The following TBCK variants were observed in gnomAD, a reference collection of about 807,000 sequenced individuals.
TBCK encodes the protein TBC domain-containing protein kinase-like protein.
In TBCK, 99 loss-of-function variants were observed where a neutral mutation model predicts 113.4. The ratio of observed to expected loss-of-function variants is 0.87; its 90% CI spans 0.74 to 1.03. TBCK has a LOEUF of 1.03. Among genes scored for constraint, TBCK ranks in the 50% least tolerant of loss-of-function variants. The pLI is 0.00. For missense variants in TBCK, 1,045 were observed against 1,061.3 expected (o/e 0.98, Z 0.21); for synonymous variants, 369 against 370.8 (o/e 1.00, Z 0.05).
rs150221832 is a variant in TBCK at position 106,212,806 on chromosome 4, C to G, written c.1804G>C (p.Ala602Pro). ...EYLTVFSQMI[A>P]FHDPELSNHL... The stretch of plus-strand genomic sequence containing the variant: ...TTACTCAGCTCTGGATCATGAAATG[C>G]AATCATCTGAGAGAAGACAGTCAGA... Residue 602 changes from alanine to proline, a missense_variant, in exon 20 of 26, where the codon GCA becomes CCA. Ala to Pro is a conservative substitution (Grantham distance 27). Coordinates refer to ENST00000394708, the MANE Select transcript of TBCK (RefSeq NM_001163435.3). The G allele has an allele frequency of 1.2e-6, 2 of 1,612,130 alleles. No homozygotes were observed. Among genetic ancestry groups the G allele is most frequent in the Non-Finnish European group, 1.7e-6 (2 of 1,179,032 alleles).
chr4:106,152,624 C>T (rs1748628856), intron 23 of TBCK, among the ~76,000 whole-genome samples: 1 of 151,982 alleles, frequency 6.6e-6, no homozygotes, highest in Non-Finnish European at 1.5e-5. Context: ...ATCTTCCCTC[C>T]ACTATTTTTC....
chr4:106,155,937 T>C (rs552781877), intron 23 of TBCK, among the ~76,000 whole-genome samples: 4 of 152,118 alleles, frequency 2.6e-5, no homozygotes, highest in Non-Finnish European at 4.4e-5. Context: ...ATGATCTTAA[T>C]GTGTGTGGAT....
At position 106,041,929 on chromosome 4, in the gene TBCK, A is replaced by C. The variant is rs1282863875; in HGVS notation, c.*4641T>G. On this transcript the variant is annotated 3_prime_UTR_variant, in exon 26 of 26. Transcript: ENST00000394708. ...AATATGGCTAACTTTTAAAATAGGT[A>C]TTTACAATGTGTACTGTTTCTAATA... The C allele has an allele frequency of 6.6e-6, 1 of 152,220 alleles. No individual in the cohort carries two copies. The highest frequency in any genetic ancestry group is 2.4e-5 in the African/African-American group (1 of 41,464). The allele number at this position is 152,220 out of a possible 1,614,324, so 9.4% of individuals were successfully genotyped here.
In TBCK at chr4:106,233,627, A is replaced by T; in HGVS notation, c.1473T>A (p.Asp491Glu). Residue 491 changes from aspartate (D) to glutamate (E), a missense_variant, in exon 16 of 26, where the codon GAT (aspartate) becomes GAA (glutamate). Physicochemically the swap from Asp to Glu is conservative, Grantham distance 45. Coordinates refer to ENST00000394708, the MANE Select transcript of TBCK (RefSeq NM_001163435.3). The stretch of plus-strand genomic sequence containing the variant: ...GAATTGGAGTGTCTTTATCAATTGC[A>T]TCGTACTTGGCATGAATAGCTCCCT... Reference protein sequence around the residue: ...GVEGAIHAKYDAIDKDTPIPT... With the variant: ...GVEGAIHAKYEAIDKDTPIPT... 1 of 1,611,040 alleles carries T rather than the reference A, an allele frequency of 6.2e-7. No homozygotes were observed. The highest frequency in any genetic ancestry group is 8.5e-7 in the Non-Finnish European group (1 of 1,178,270).
intron 20 of TBCK, among the ~76,000 whole-genome samples, chr4:106,197,840 T>C (rs574575352): frequency 6.6e-6 from 1 of 152,204 alleles, no homozygotes; most frequent in African/African-American, 2.4e-5. Flanking sequence ...GTCTGATAGA[T>C]ATTATTTTTA....
intron 22 of TBCK, among the ~76,000 whole-genome samples, chr4:106,181,668 C>G (rs929407515): frequency 3.3e-5 from 5 of 152,094 alleles, no homozygotes; most frequent in Non-Finnish European, 7.4e-5. Context: ...TGTTAAAGAT[C>G]AGATGATTGT....
chr4:106,259,255 C>G (rs897011789), intron 5 of TBCK, among the ~76,000 whole-genome samples: 1 of 151,546 alleles, frequency 6.6e-6, no homozygotes, highest in Non-Finnish European at 1.5e-5. Flanking sequence ...ATATATGAGG[C>G]TGGCTTTAAA....
intron 23 of TBCK, among the ~76,000 whole-genome samples, chr4:106,119,266 C>G (rs1578953207): frequency 6.6e-6 from 1 of 152,020 alleles, no homozygotes; most frequent in Non-Finnish European, 1.5e-5. Context: ...TATAAAACAA[C>G]ACTGGAAATG....
chr4:106,267,024 CAG>C (rs1553984416), intron 3 of TBCK, among the ~76,000 whole-genome samples: 3 of 151,876 alleles, frequency 2.0e-5, no homozygotes, highest in Non-Finnish European at 2.9e-5. Context: ...AAGATACTGA[CAG>C]GGGACAATGG....
At chr4:106,243,837 C>T (rs1760453702) in intron 11 of TBCK, among the ~76,000 whole-genome samples, 1 of 151,948 alleles carries the variant, frequency 6.6e-6, no homozygotes, top group Non-Finnish European at 1.5e-5. Flanking sequence ...TACAGGCACA[C>T]AACACCACGC....
At chr4:106,180,951 C>T (rs968823569) in intron 22 of TBCK, among the ~76,000 whole-genome samples, 8 of 150,524 alleles carry the variant, frequency 5.3e-5, no homozygotes, top group African/African-American at 1.7e-4. Flanking sequence ...CTTGAGGAAT[C>T]GCCACAATGG....
intron 22 of TBCK, among the ~76,000 whole-genome samples, chr4:106,180,660 G>A (rs547454650): frequency 1.9e-4 from 29 of 151,992 alleles, no homozygotes; most frequent in South Asian, 4.2e-4. Flanking sequence ...GTGATAATTC[G>A]CTGAGAATGA....
intron 20 of TBCK, among the ~76,000 whole-genome samples, chr4:106,211,156 A>T (rs1756084644): frequency 6.6e-6 from 1 of 152,234 alleles, no homozygotes; most frequent in East Asian, 1.9e-4. Context: ...CTTTACAAAA[A>T]TTTTTTGAAA....
intron 25 of TBCK, among the ~76,000 whole-genome samples, chr4:106,094,843 A>G (rs765656903): frequency 3.3e-5 from 5 of 152,194 alleles, no homozygotes; most frequent in Non-Finnish European, 7.3e-5. Flanking sequence ...TACTCGTTCA[A>G]CGTTGCCTAT....
chr4:106,286,726 T>C (rs1765151681), intron 3 of TBCK, among the ~76,000 whole-genome samples: 2 of 151,618 alleles, frequency 1.3e-5, no homozygotes, highest in South Asian at 2.1e-4. Context: ...ACTAGGGTGG[T>C]TGAGGTGGAA....
At chr4:106,061,928 T>C (rs1578780736) in intron 25 of TBCK, among the ~76,000 whole-genome samples, 1 of 151,758 alleles carries the variant, frequency 6.6e-6, no homozygotes, top group South Asian at 2.1e-4. Context: ...ACTCTTAATG[T>C]ACTGGGTCAC....
intron 2 of TBCK, among the ~76,000 whole-genome samples, chr4:106,297,986 T>C (rs1240450856): frequency 6.6e-6 from 1 of 152,244 alleles, no homozygotes; most frequent in African/African-American, 2.4e-5. Flanking sequence ...TGTTAGCTTT[T>C]ATTATTACTC....
intron 23 of TBCK, among the ~76,000 whole-genome samples, chr4:106,123,742 C>A (rs1441004435): frequency 6.6e-6 from 1 of 151,800 alleles, no homozygotes; most frequent in Non-Finnish European, 1.5e-5. Flanking sequence ...GAAAAACAAG[C>A]AATGGGGAAA....
At chr4:106,228,952 C>T (rs757280774) in intron 19 of TBCK, among the ~76,000 whole-genome samples, 12 of 151,904 alleles carry the variant, frequency 7.9e-5, no homozygotes, top group Non-Finnish European at 1.3e-4. Context: ...CAGAGTGACA[C>T]GATATCTCAT....
Sources: gnomAD v4.1 joint callset for allele counts (sites outside exome capture counted in the v4.1 genomes callset) on GRCh38, gnomAD v4.1.1 for gene constraint, MANE v1.5 for transcripts, NCBI Gene and HGNC (gene_info 2026-07-23, HGNC 2026-07-21) for gene names.